The following EYA2 variants were observed in gnomAD, a reference collection of about 807,000 sequenced individuals.
The protein encoded by EYA2 is EYA transcriptional coactivator and phosphatase 2.
A neutral mutation model predicts 69.2 loss-of-function variants in EYA2; 31 were observed. That is an observed-to-expected ratio of 0.45 (90% CI 0.34 to 0.60). EYA2 has a LOEUF of 0.60. Among genes scored for constraint, EYA2 ranks in the 20% least tolerant of loss-of-function variants. The pLI, the probability that EYA2 is intolerant of heterozygous loss-of-function variation, is 0.02. For missense variants in EYA2, 622 were observed against 701.2 expected (o/e 0.89, Z 1.28); for synonymous variants, 257 against 279.4 (o/e 0.92, Z 0.80).
intron 8 of EYA2, among the ~76,000 whole-genome samples, chr20:47,094,610 A>T (rs2146514470): frequency 6.6e-6 from 1 of 152,366 alleles, no homozygotes; most frequent in Non-Finnish European, 1.5e-5. Flanking sequence ...AAGGTGGCCC[A>T]CTCAAGATTG....
Position 47,005,013 on chromosome 20 carries a change from CG to C in EYA2, c.231del (p.Ile78SerfsTer30). The C allele has an allele frequency of 1.9e-6, 3 of 1,614,046 alleles. No homozygotes were observed. The highest frequency in any genetic ancestry group is 2.5e-6 in the Non-Finnish European group (3 of 1,179,966). The stretch of plus-strand genomic sequence containing the variant: ...GCCTACGGCCAGACGCAGTACAGTG[CG>C]GGGATCCAGCAGGCTACCCCCTATA... ...MAAYGQTQYSAGIQQATPYTA... is the reference protein window; with the variant it reads ...MAAYGQTQYSXGIQQATPYTA... On this transcript the variant is annotated frameshift_variant, in exon 4 of 16. Transcript: ENST00000327619. LOFTEE classifies it high-confidence loss of function.
chr20:47,167,279 A>ATTT (rs2034219376), intron 10 of EYA2, among the ~76,000 whole-genome samples: 1 of 70,078 alleles, frequency 1.4e-5, no homozygotes, highest in African/African-American at 6.5e-5. Context: ...CGGTTTTTTT[A>ATTT]CTTTTTTTTT....
intron 9 of EYA2, chr20:47,117,463 G>A (rs975893973): frequency 1.9e-5 from 19 of 985,094 alleles, no homozygotes; most frequent in African/African-American, 1.4e-4. Context: ...CTCCTCGACC[G>A]GCTCCTCTGC....
chr20:47,091,035 G>A (rs6018270), intron 8 of EYA2, among the ~76,000 whole-genome samples: 7,072 of 152,182 alleles, frequency 0.046, 512 homozygotes, highest in African/African-American at 0.16. Context: ...GTACACCAGC[G>A]TCACATCCCT....
intron 1 of EYA2, among the ~76,000 whole-genome samples, chr20:46,911,624 A>C (rs1375953178): frequency 6.6e-6 from 1 of 152,232 alleles, no homozygotes; most frequent in Non-Finnish European, 1.5e-5. Flanking sequence ...GGTGGATGCT[A>C]CTTGCAAAAA....
intron 1 of EYA2, among the ~76,000 whole-genome samples, chr20:46,938,584 C>G (rs1986020044): frequency 6.6e-6 from 1 of 152,032 alleles, no homozygotes; most frequent in South Asian, 2.1e-4. Flanking sequence ...CCCACATAGG[C>G]CTCTTCATGG....
chr20:47,064,608 T>G (rs974025538), intron 5 of EYA2, among the ~76,000 whole-genome samples: 1 of 152,264 alleles, frequency 6.6e-6, no homozygotes, highest in Non-Finnish European at 1.5e-5. Flanking sequence ...CACCAGCGTG[T>G]GTGAGTGTTC....
At chr20:47,131,076 C>T (rs190415049) in intron 9 of EYA2, among the ~76,000 whole-genome samples, 306 of 151,714 alleles carry the variant, frequency 2.0e-3, no homozygotes, top group African/African-American at 7.1e-3. Flanking sequence ...GCTACAAGAG[C>T]GAAACTCCAT....
intron 1 of EYA2, among the ~76,000 whole-genome samples, chr20:46,976,333 G>A (rs1980455300): frequency 6.6e-6 from 1 of 152,282 alleles, no homozygotes; most frequent in Middle Eastern, 3.4e-3. Context: ...AACACAACAA[G>A]GCCCTGTATC....
intron 10 of EYA2, among the ~76,000 whole-genome samples, chr20:47,144,850 G>A (rs569426488): frequency 3.9e-5 from 6 of 152,326 alleles, no homozygotes; most frequent in South Asian, 2.1e-4. Context: ...TCACGATGAC[G>A]TCTATGGCTC....
At chr20:47,174,456 G>A (rs894839265) in intron 12 of EYA2, among the ~76,000 whole-genome samples, 1 of 152,202 alleles carries the variant, frequency 6.6e-6, no homozygotes. Flanking sequence ...ATACACAGCG[G>A]GAACTCAATA....
At chr20:47,117,917 G>A (rs551426672) in intron 9 of EYA2, among the ~76,000 whole-genome samples, 6 of 152,224 alleles carry the variant, frequency 3.9e-5, no homozygotes, top group South Asian at 2.1e-4. Flanking sequence ...TTTCTTTAAC[G>A]AGAAAACCTT....
intron 15 of EYA2, among the ~76,000 whole-genome samples, chr20:47,184,451 T>G (rs6124966): frequency 0.48 from 68,753 of 143,572 alleles, 16,811 homozygotes; most frequent in African/African-American, 0.53. Flanking sequence ...AGGGTCTCAC[T>G]CTGGCACCTA....
intron 9 of EYA2, among the ~76,000 whole-genome samples, chr20:47,103,101 T>C (rs2032469957): frequency 6.6e-6 from 1 of 152,060 alleles, no homozygotes; most frequent in African/African-American, 2.4e-5. Context: ...ATAACAATTT[T>C]ATTGAGATAC....
intron 9 of EYA2, among the ~76,000 whole-genome samples, chr20:47,103,362 G>A (rs112334995): frequency 6.6e-6 from 1 of 152,048 alleles, no homozygotes; most frequent in Non-Finnish European, 1.5e-5. Context: ...CACACAGTAC[G>A]TGTGATCATC....
At chr20:47,071,992 A>G (rs1357632805) in intron 5 of EYA2, 193 bp from the exon 6 acceptor site, 2 of 625,642 alleles carry the variant, frequency 3.2e-6, no homozygotes, top group Non-Finnish European at 5.7e-6. Context: ...TCACCAGAGG[A>G]TTAGTGTCAA....
rs112204646 is a variant in EYA2, at chr20:47,028,491, T to C, written c.415+12194T>C. ...GTCTACGTGTGGCATCAGGAGCTGG[T>C]GAGTGACAGAAGCTGGTGCCTTCAT... On this transcript the variant is annotated intron_variant, in intron 5 of 15. Transcript: ENST00000327619. Among the ~76,000 whole-genome samples, 689 of 152,330 alleles carry C rather than the reference T, an allele frequency of 4.5e-3. 1 individual carries two copies. The highest frequency in any genetic ancestry group is 6.8e-3 in the Middle Eastern group (2 of 294).
intron 5 of EYA2, among the ~76,000 whole-genome samples, chr20:47,023,210 C>T (rs1983861998): frequency 6.6e-6 from 1 of 152,064 alleles, no homozygotes; most frequent in Admixed American, 6.6e-5. Flanking sequence ...CATCTTTTTG[C>T]AAACATAAGT....
intron 5 of EYA2, among the ~76,000 whole-genome samples, chr20:47,018,592 A>G (rs1983552476): frequency 6.6e-6 from 1 of 152,232 alleles, no homozygotes; most frequent in Non-Finnish European, 1.5e-5. Flanking sequence ...GAGGGGCCAG[A>G]GCTGGGCCGG....
Sources: gnomAD v4.1 joint callset for allele counts (sites outside exome capture counted in the v4.1 genomes callset) on GRCh38, gnomAD v4.1.1 for gene constraint, MANE v1.5 for transcripts, NCBI Gene and HGNC (gene_info 2026-07-23, HGNC 2026-07-21) for gene names.